SCAPER: variants seen among roughly 807,000 people sequenced by gnomAD.
SCAPER encodes the protein S phase cyclin A-associated protein in the endoplasmic reticulum.
Under a neutral mutation model 182.2 loss-of-function variants are expected in SCAPER, and 98 were observed. The observed-to-expected ratio is 0.54, with a 90% CI of 0.46 to 0.64. The LOEUF (loss-of-function observed/expected upper bound fraction) is 0.64, where lower values mean the gene tolerates loss of function less well. Ranked by LOEUF, SCAPER falls within the 30% of genes least tolerant of loss-of-function variation. The pLI, the probability that SCAPER is intolerant of heterozygous loss-of-function variation, is 0.00. For synonymous variants in SCAPER, 605 were observed against 564.6 expected (o/e 1.07, Z -1.01); for missense variants, 1,432 against 1,690.0 (o/e 0.85, Z 2.68).
chr15:76,871,131 C>T (rs1232108514), intron 2 of SCAPER, among the ~76,000 whole-genome samples: 1 of 152,036 alleles, frequency 6.6e-6, no homozygotes, highest in Non-Finnish European at 1.5e-5. Context: ...ATAAAAGGGA[C>T]AGGCGCCGTG....
At chr15:76,577,657 G>A (rs889296704) in intron 22 of SCAPER, among the ~76,000 whole-genome samples, 3 of 152,104 alleles carry the variant, frequency 2.0e-5, no homozygotes, top group African/African-American at 7.2e-5. Flanking sequence ...TTTGTCATCT[G>A]CTGACAAAAG....
At chr15:76,637,522 C>A (rs543131647) in intron 21 of SCAPER, among the ~76,000 whole-genome samples, 161 of 147,688 alleles carry the variant, frequency 1.1e-3, no homozygotes, top group African/African-American at 3.9e-3. Context: ...AACAGTGAGA[C>A]CCCCCCATCT....
chr15:76,728,565 A>C, intron 17 of SCAPER, 30 bp downstream of exon 17: 1 of 1,612,458 alleles, frequency 6.2e-7, no homozygotes. Flanking sequence ...ACTCAGTGCA[A>C]AATGTTCATC....
intron 24 of SCAPER, among the ~76,000 whole-genome samples, chr15:76,502,086 G>C (rs2041175760): frequency 6.6e-6 from 1 of 152,168 alleles, no homozygotes. Context: ...GAATCTTAGA[G>C]TCAATGCTGG....
chr15:76,589,056 T>TG (rs1350441483), intron 22 of SCAPER, among the ~76,000 whole-genome samples: 1 of 152,070 alleles, frequency 6.6e-6, no homozygotes, highest in Non-Finnish European at 1.5e-5. Context: ...AGGCTGGTAC[T>TG]GGGGGGTATC....
At chr15:76,561,995 A>C (rs2046669841) in intron 23 of SCAPER, among the ~76,000 whole-genome samples, 1 of 151,652 alleles carries the variant, frequency 6.6e-6, no homozygotes, top group African/African-American at 2.4e-5. Context: ...AAATACAAAA[A>C]ATTAGCTGGG....
At chr15:76,434,562 T>A (rs993491690) in intron 25 of SCAPER, among the ~76,000 whole-genome samples, 1 of 152,226 alleles carries the variant, frequency 6.6e-6, no homozygotes, top group South Asian at 2.1e-4. Flanking sequence ...ACCTGTATCA[T>A]AGAATTTTTG....
intron 27 of SCAPER, among the ~76,000 whole-genome samples, chr15:76,384,138 C>T (rs2043143940): frequency 6.6e-6 from 1 of 152,156 alleles, no homozygotes; most frequent in African/African-American, 2.4e-5. Flanking sequence ...GTTTGTTTAA[C>T]ACTGATTGCC....
intron 17 of SCAPER, among the ~76,000 whole-genome samples, chr15:76,710,770 T>G (rs1241154182): frequency 6.6e-6 from 1 of 152,060 alleles, no homozygotes; most frequent in African/African-American, 2.4e-5. Context: ...AACCTAAAAT[T>G]TATATGGAAA....
chr15:76,447,692 T>G (rs1025708314), intron 25 of SCAPER, among the ~76,000 whole-genome samples: 1 of 152,310 alleles, frequency 6.6e-6, no homozygotes, highest in South Asian at 2.1e-4. Context: ...ATCTCTGAAA[T>G]AATATTATTA....
chr15:76,637,742 A>ATATATATATATATG (rs1414519401), intron 21 of SCAPER, among the ~76,000 whole-genome samples: 1 of 105,820 alleles, frequency 9.5e-6, no homozygotes, highest in Non-Finnish European at 1.8e-5. Context: ...ATATATATAT[A>ATATATATATATATG]TGTGTGTGTG....
intron 21 of SCAPER, among the ~76,000 whole-genome samples, chr15:76,627,443 C>T (rs749435776): frequency 2.6e-5 from 4 of 151,972 alleles, no homozygotes; most frequent in African/African-American, 7.3e-5. Context: ...TCTCCCACCC[C>T]GAACCACACC....
At chr15:76,351,356 TAA>T in intron 30 of SCAPER, 68 bp from the exon 31 acceptor site, 1 of 1,397,362 alleles carries the variant, frequency 7.2e-7, no homozygotes, top group Admixed American at 2.2e-5. Flanking sequence ...AGGGTGGCTT[TAA>T]ATATACTTCT....
At chr15:76,694,492 T>C (rs572595330) in intron 20 of SCAPER, among the ~76,000 whole-genome samples, 1 of 152,098 alleles carries the variant, frequency 6.6e-6, no homozygotes, top group Admixed American at 6.6e-5. Context: ...ATGTGTACAA[T>C]TGAATATACA....
intron 4 of SCAPER, among the ~76,000 whole-genome samples, chr15:76,846,890 G>C (rs1020632795): frequency 6.6e-6 from 1 of 152,086 alleles, no homozygotes; most frequent in Non-Finnish European, 1.5e-5. Context: ...GAATATCAAA[G>C]AGATCTGCAC....
chr15:76,808,735 G>A (rs1323693303), intron 5 of SCAPER, among the ~76,000 whole-genome samples: 1 of 152,206 alleles, frequency 6.6e-6, no homozygotes, highest in African/African-American at 2.4e-5. Flanking sequence ...CAGAGATAAA[G>A]TGAAGTCTCC....
chr15:76,388,273 A>G (rs1002598543), intron 27 of SCAPER, among the ~76,000 whole-genome samples: 3 of 152,214 alleles, frequency 2.0e-5, no homozygotes, highest in African/African-American at 7.2e-5. Context: ...GTTACTAGAA[A>G]GCATATATGA....
chr15:76,429,560 A>G (rs368262128), intron 26 of SCAPER, among the ~76,000 whole-genome samples: 46 of 152,302 alleles, frequency 3.0e-4, no homozygotes, highest in African/African-American at 1.1e-3. Flanking sequence ...GCTGTGTTTT[A>G]GCAAAGAGAC....
chr15:76,630,576 T>G (rs1370727995), intron 21 of SCAPER, among the ~76,000 whole-genome samples: 1 of 152,060 alleles, frequency 6.6e-6, no homozygotes, highest in Non-Finnish European at 1.5e-5. Flanking sequence ...CATTCAGGAG[T>G]AGGTTGTTAA....
Sources: allele counts gnomAD v4.1 joint callset (sites outside exome capture counted in the v4.1 genomes callset), GRCh38; gene constraint gnomAD v4.1.1; transcripts MANE v1.5; gene names NCBI Gene and HGNC (gene_info 2026-07-23, HGNC 2026-07-21).